The following ANK2 variants were observed in gnomAD, a reference collection of about 807,000 sequenced individuals.
ANK2 encodes ankyrin 2.
ANK2 carries 83 observed loss-of-function variants against 360.5 expected under a neutral mutation model. The observed-to-expected ratio is 0.23, with a 90% CI of 0.19 to 0.28. ANK2 has a LOEUF of 0.28. ANK2 is among the 10% of genes least tolerant of loss of function. The pLI is 1.00. For missense variants in ANK2, 4,201 were observed against 4,795.7 expected (o/e 0.88, Z 3.66); for synonymous variants, 1,740 against 1,759.5 (o/e 0.99, Z 0.28).
At chr4:112,723,470 T>C in the ANK2 span, among the ~76,000 whole-genome samples, 1 of 151,948 alleles carries the variant, frequency 6.6e-6, no homozygotes, top group Non-Finnish European at 1.5e-5. Flanking sequence ...TTCAAGCAAT[T>C]CTCCTGCCTC....
chr4:113,093,469 C>T (rs527834346), intron 1 of ANK2, among the ~76,000 whole-genome samples: 126 of 152,216 alleles, frequency 8.3e-4, no homozygotes, highest in Non-Finnish European at 1.5e-3. Flanking sequence ...GATCCTCCTG[C>T]CTCAGCCTCC....
intron 2 of ANK2, among the ~76,000 whole-genome samples, chr4:112,951,475 G>T (rs1043221096): frequency 6.6e-6 from 1 of 152,154 alleles, no homozygotes; most frequent in Non-Finnish European, 1.5e-5. Flanking sequence ...CAAATGAAAA[G>T]AAAACAGTTG....
chr4:112,934,611 C>A (rs2093576162), intron 2 of ANK2, among the ~76,000 whole-genome samples: 1 of 152,160 alleles, frequency 6.6e-6, no homozygotes, highest in Admixed American at 6.6e-5. Flanking sequence ...TGTTTCTTCA[C>A]ATTTTGTTAA....
intron 2 of ANK2, among the ~76,000 whole-genome samples, chr4:113,001,309 C>T (rs1279653767): frequency 5.7e-5 from 7 of 122,150 alleles, no homozygotes; most frequent in East Asian, 4.6e-4. Context: ...CCAGCCTAGG[C>T]GACAAAAGCA....
Position 112,936,651 on chromosome 4 carries a change from T to C in ANK2, c.21+32137T>C, listed in dbSNP as rs188782482. Among the ~76,000 whole-genome samples, 4 of 152,234 alleles carry C rather than the reference T, an allele frequency of 2.6e-5. No homozygotes were observed. In the East Asian group the frequency reaches 7.7e-4, roughly 29 times the overall value. On this transcript the variant is annotated intron_variant, in intron 2 of 30. Coordinates refer to the ANK2 transcript ENST00000503271. The stretch of plus-strand genomic sequence containing the variant: ...GAGCCACCACGCCCGGCCAGCATTA[T>C]CCATTTTTAAACTCGTTTTAGTCTT...
chr4:112,746,432 C>T, the ANK2 span, among the ~76,000 whole-genome samples: 9 of 148,214 alleles, frequency 6.1e-5, no homozygotes, highest in East Asian at 1.0e-3. Context: ...CGCTTGAACA[C>T]GGGAGGTGGA....
intron 5 of ANK2, among the ~76,000 whole-genome samples, chr4:113,235,417 TA>T (rs144121701): frequency 0.028 from 4,258 of 152,322 alleles, 97 homozygotes; most frequent in East Asian, 0.067. Context: ...TGAGGAAAAT[TA>T]TTTTTTCCTC....
intron 1 of ANK2, among the ~76,000 whole-genome samples, chr4:113,152,603 A>G (rs1159369816): frequency 1.3e-5 from 2 of 152,074 alleles, no homozygotes; most frequent in African/African-American, 4.8e-5. Context: ...CTATAGTAAA[A>G]CTTTTTTGTG....
intron 2 of ANK2, among the ~76,000 whole-genome samples, chr4:112,956,946 T>A (rs2095356584): frequency 6.6e-6 from 1 of 152,080 alleles, no homozygotes; most frequent in Admixed American, 6.5e-5. Context: ...TTATATGATT[T>A]TTTTATTGAC....
At chr4:113,136,987 ACCTCAAGTGATCCACCCG>A (rs1026481838) in intron 1 of ANK2, among the ~76,000 whole-genome samples, 2 of 151,952 alleles carry the variant, frequency 1.3e-5, no homozygotes, top group African/African-American at 4.8e-5. Context: ...CAAACTCCTG[ACCTCAAGTGATCCACCCG>A]CCTTGGCCTC....
the ANK2 span, among the ~76,000 whole-genome samples, chr4:112,758,207 A>AT: frequency 4.6e-4 from 68 of 148,784 alleles, no homozygotes; most frequent in African/African-American, 1.1e-3. Flanking sequence ...GCCAAGATGG[A>AT]TTTTTTTTTT....
chr4:113,007,540 T>C (rs563455158), intron 2 of ANK2, among the ~76,000 whole-genome samples: 84 of 152,324 alleles, frequency 5.5e-4, no homozygotes, highest in African/African-American at 1.9e-3. Flanking sequence ...AGAAAACTAT[T>C]ACTTACAGAA....
Position 113,151,791 on chromosome 4 carries a change from C to T in ANK2, c.85-22625C>T, listed in dbSNP as rs112784143. Among the ~76,000 whole-genome samples, 516 of 151,796 alleles carry T rather than the reference C, an allele frequency of 3.4e-3. 1 individual carries two copies. The highest frequency in any genetic ancestry group is 0.012 in the African/African-American group (484 of 41,386). ...AGAAATTTGGTGAAGGTAGGCTGGG[C>T]ACCATGGCTCACACCTGTAATCTCA... On this transcript the variant is annotated intron_variant, in intron 1 of 45. Coordinates refer to ENST00000357077, the MANE Select transcript of ANK2 (RefSeq NM_001148.6).
intron 23 of ANK2, among the ~76,000 whole-genome samples, chr4:113,304,861 T>G (rs1451252493): frequency 6.6e-6 from 1 of 152,154 alleles, no homozygotes; most frequent in Admixed American, 6.6e-5. Context: ...GTAAGAGGTT[T>G]CCAAAGTACA....
chr4:113,374,281 T>C (rs891986792), intron 45 of ANK2, among the ~76,000 whole-genome samples: 2 of 152,224 alleles, frequency 1.3e-5, no homozygotes, highest in African/African-American at 4.8e-5. Context: ...TATTTACTTG[T>C]TTTGACAAAT....
At chr4:112,912,314 T>C (rs866701495) in intron 2 of ANK2, among the ~76,000 whole-genome samples, 47 of 152,342 alleles carry the variant, frequency 3.1e-4, no homozygotes, top group African/African-American at 1.1e-3. Flanking sequence ...GTGAGCCAGT[T>C]GTTTCCAAAC....
chr4:113,239,133 C>G (rs1264724740), intron 7 of ANK2, among the ~76,000 whole-genome samples: 3 of 151,888 alleles, frequency 2.0e-5, no homozygotes, highest in Non-Finnish European at 4.4e-5. Flanking sequence ...GCTGATTTTC[C>G]CCTCCATTTT....
chr4:112,749,299 A>G, the ANK2 span, among the ~76,000 whole-genome samples: 1 of 152,208 alleles, frequency 6.6e-6, no homozygotes, highest in Non-Finnish European at 1.5e-5. Context: ...CAGTGATATC[A>G]TTGGTAAAGT....
At position 113,274,477 on chromosome 4, in the gene ANK2, C is replaced by G. The variant is rs1303233267; in HGVS notation, c.1511C>G (p.Ala504Gly). 1 of 1,614,186 alleles carries G rather than the reference C, an allele frequency of 6.2e-7. No homozygotes were observed. The highest frequency in any genetic ancestry group is 1.1e-5 in the South Asian group (1 of 91,080). Reference protein sequence around the residue: ...AREEQTPLHIASRLGKTEIVQ... With the variant: ...AREEQTPLHIGSRLGKTEIVQ... The stretch of plus-strand genomic sequence containing the variant: ...GAGGAACAGACACCTTTACATATTG[C>G]CTCCCGCCTGGGTAAGACAGAAATT... The change falls in exon 15 of 46, where the codon GCC becomes GGC. Residue 504 changes from alanine to glycine, a missense_variant. This residue lies in a region of ANK2 where 1,268 missense variants were observed against 1,650.8 expected (regional missense o/e 0.77). Coordinates refer to ENST00000357077, the MANE Select transcript of ANK2 (RefSeq NM_001148.6).
Sources: allele counts gnomAD v4.1 joint callset (sites outside exome capture counted in the v4.1 genomes callset), GRCh38; gene constraint gnomAD v4.1.1; regional missense constraint gnomAD v4.1.1; transcripts MANE v1.5; gene names NCBI Gene and HGNC (gene_info 2026-07-23, HGNC 2026-07-21).